ZNF440: variants seen among roughly 807,000 people sequenced by gnomAD.
ZNF440 encodes the protein zinc finger protein 440.
In ZNF440, 47 loss-of-function variants were observed where a neutral mutation model predicts 49.7. That is an observed-to-expected ratio of 0.95 (90% confidence interval 0.75 to 1.21). ZNF440 has a LOEUF of 1.21. Among genes scored for constraint, ZNF440 ranks in the 50% most tolerant of loss-of-function variants. The pLI, the probability that ZNF440 is intolerant of heterozygous loss-of-function variation, is 0.00. For missense variants in ZNF440, 703 were observed against 715.0 expected (o/e 0.98, Z 0.19); for synonymous variants, 255 against 237.7 (o/e 1.07, Z -0.67).
At chr19:11,814,754 A>G (rs566428555) in intron 1 of ZNF440, among the ~76,000 whole-genome samples, 57 of 152,344 alleles carry the variant, frequency 3.7e-4, no homozygotes, top group African/African-American at 1.4e-3. Flanking sequence ...GTTAGAAACA[A>G]GTGCCCGGTG....
chr19:11,816,510 G>A (rs1010150409), intron 1 of ZNF440: 5 of 152,166 alleles, frequency 3.3e-5, no homozygotes, highest in African/African-American at 1.2e-4. Context: ...AACTCCTAAA[G>A]GGAGAGGGTA....
At chr19:11,821,756 T>A (rs2145120498) in intron 1 of ZNF440, among the ~76,000 whole-genome samples, 1 of 152,352 alleles carries the variant, frequency 6.6e-6, no homozygotes, top group South Asian at 2.1e-4. Context: ...TGTAAAGAAT[T>A]GTTCATAGAT....
intron 1 of ZNF440, among the ~76,000 whole-genome samples, chr19:11,828,377 G>T (rs1449740102): frequency 6.6e-6 from 1 of 151,554 alleles, no homozygotes; most frequent in East Asian, 2.0e-4. Context: ...TAGAGATGGA[G>T]TTCCACCACG....
chr19:11,814,600 C>T (rs1338668624), intron 1 of ZNF440, 150 bp downstream of exon 1: 1 of 925,522 alleles, frequency 1.1e-6, no homozygotes, highest in East Asian at 3.3e-5. Context: ...GGCCGGCAGC[C>T]GGGACCCCGG....
At chr19:11,818,308 G>A (rs893274245) in intron 1 of ZNF440, among the ~76,000 whole-genome samples, 4 of 152,132 alleles carry the variant, frequency 2.6e-5, no homozygotes, top group Non-Finnish European at 4.4e-5. Context: ...TTGTGGGAGT[G>A]TAAGGATACT....
intron 1 of ZNF440, among the ~76,000 whole-genome samples, chr19:11,822,845 TAAA>T (rs547706900): frequency 2.6e-5 from 3 of 117,526 alleles, no homozygotes; most frequent in East Asian, 2.3e-4. Context: ...GAAACTCCGT[TAAA>T]AAAAAAAAAA....
intron 1 of ZNF440, among the ~76,000 whole-genome samples, chr19:11,818,711 T>C (rs1213914180): frequency 6.6e-6 from 1 of 152,064 alleles, no homozygotes; most frequent in Non-Finnish European, 1.5e-5. Context: ...TGGCTAATTT[T>C]TTATTTTTTA....
At chr19:11,819,215 C>T (rs1470824196) in intron 1 of ZNF440, among the ~76,000 whole-genome samples, 2 of 151,930 alleles carry the variant, frequency 1.3e-5, no homozygotes, top group Non-Finnish European at 2.9e-5. Context: ...CCTGTTTTCC[C>T]TCAGTCATTT....
At chr19:11,816,734 G>T (rs572121357) in intron 1 of ZNF440, 1 of 152,326 alleles carries the variant, frequency 6.6e-6, no homozygotes, top group Non-Finnish European at 1.5e-5. Context: ...GGGTTCAAGC[G>T]ATTCTCCTGC....
intron 1 of ZNF440, among the ~76,000 whole-genome samples, chr19:11,818,880 G>A (rs530610863): frequency 3.4e-4 from 51 of 152,226 alleles, no homozygotes; most frequent in African/African-American, 1.2e-3. Flanking sequence ...CCCAGAGCTT[G>A]TTTTCTTTAA....
intron 1 of ZNF440, among the ~76,000 whole-genome samples, chr19:11,823,477 A>G (rs1247604799): frequency 5.9e-5 from 9 of 152,176 alleles, no homozygotes; most frequent in African/African-American, 1.9e-4. Context: ...TGTAAATTTC[A>G]TGGACTAAAA....
rs370496408 is a variant in ZNF440, at chr19:11,832,389, T to C, written c.1213T>C (p.Phe405Leu). Residue 405 changes from phenylalanine to leucine, a missense_variant, in exon 4 of 4, where the codon TTC becomes CTC. By Grantham distance (22) the Phe-to-Leu change is conservative (BLOSUM62 0). Transcript: ENST00000304060. ...TGAGTGTAAGCAATGTGGGAAAGCC[T>C]TCAGATCTGCCTCACACCTTCGAGT... is the stretch of plus-strand genomic sequence containing the variant. Reference protein sequence around the residue: ...PYECKQCGKAFRSASHLRVHG... With the variant: ...PYECKQCGKALRSASHLRVHG... 4.6e-5 allele frequency: 75 copies of C among 1,613,128 alleles called. No homozygotes were observed. In the African/African-American group the frequency reaches 9.4e-4, roughly 20 times the overall value.
In ZNF440 at chr19:11,835,006, G is replaced by T. The variant is rs1212356614; in HGVS notation, c.*2042G>T. The T allele has an allele frequency of 6.6e-6, 1 of 151,778 alleles. No homozygotes were observed. Among genetic ancestry groups the T allele is most frequent in the Non-Finnish European group, 1.5e-5 (1 of 68,090 alleles). The allele number at this position is 151,778 out of a possible 1,614,324, so 9.4% of individuals were successfully genotyped here. ...GAAGCAGAGGTTGCAGTGAGCCGAG[G>T]TTGCACCATTGTACTCCAGCCTGGG... On this transcript the variant is annotated 3_prime_UTR_variant, in exon 4 of 4. Transcript: ENST00000304060.
chr19:11,825,345 G>T (rs1975850882), intron 1 of ZNF440, among the ~76,000 whole-genome samples: 1 of 152,108 alleles, frequency 6.6e-6, no homozygotes, highest in Non-Finnish European at 1.5e-5. Context: ...TTCACTCTTT[G>T]TGTTCTGTGG....
chr19:11,818,479 C>T (rs1001510221), intron 1 of ZNF440, among the ~76,000 whole-genome samples: 5 of 151,926 alleles, frequency 3.3e-5, no homozygotes, highest in Admixed American at 2.0e-4. Flanking sequence ...CTTATATAGG[C>T]GAAAGGCAAA....
At chr19:11,823,356 AC>A (rs1044029615) in intron 1 of ZNF440, among the ~76,000 whole-genome samples, 7 of 151,516 alleles carry the variant, frequency 4.6e-5, no homozygotes, top group Admixed American at 2.0e-4. Flanking sequence ...ATGCCGTAAC[AC>A]CCCCCCAACC....
rs766413832 is a variant in ZNF440, at chr19:11,832,167, G to T, written c.991G>T (p.Val331Leu). Residue 331 changes from valine (V) to leucine (L), a missense_variant, in exon 4 of 4, where the codon GTA becomes TTA. Val to Leu is a conservative substitution (Grantham distance 32, BLOSUM62 1). Coordinates refer to ENST00000304060, the MANE Select transcript of ZNF440 (RefSeq NM_152357.3). ...LSSLTSFQTH[V>L]RLHSGERPYE... ...CTCTCTTACAAGTTTTCAAACACAC[G>T]TAAGATTGCACTCTGGAGAAAGACC... 6.2e-7 allele frequency: 1 copy of T among 1,614,194 alleles called. No individual in the cohort carries two copies. Among genetic ancestry groups the T allele is most frequent in the South Asian group, 1.1e-5 (1 of 91,088 alleles).
chr19:11,830,335 C>G lies in ZNF440; in HGVS notation c.56C>G (p.Ala19Gly), dbSNP rs766672170. ...VAVNFTQEEW[A>G]LLDISQRKLY... ...GTGAACTTCACCCAGGAGGAGTGGGCTTTGCTGGATATTTCCCAGAGGAAA... is the reference window on the plus strand; with the variant it reads ...GTGAACTTCACCCAGGAGGAGTGGGGTTTGCTGGATATTTCCCAGAGGAAA... Residue 19 changes from alanine to glycine, a missense_variant, in exon 2 of 4, where the codon GCT becomes GGT. Transcript: ENST00000304060. 1.2e-6 allele frequency: 2 copies of G among 1,614,152 alleles called. No individual in the cohort carries two copies. Among genetic ancestry groups the G allele is most frequent in the Non-Finnish European group, 1.7e-6 (2 of 1,180,038 alleles).
chr19:11,833,255 A>ATG lies in ZNF440; in HGVS notation c.*291_*292insTG. ...GAAACCCTGTGAATGTAAGAAATGTAGAAAAGCATTCCATAATTTCTCTTC... is the reference window on the plus strand; with the variant it reads ...GAAACCCTGTGAATGTAAGAAATGTATGGAAAAGCATTCCATAATTTCTCTTC... On this transcript the variant is annotated 3_prime_UTR_variant, in exon 4 of 4. Transcript: ENST00000304060. The ATG allele has an allele frequency of 3.9e-6, 3 of 777,260 alleles. No homozygotes were observed. Among genetic ancestry groups the ATG allele is most frequent in the African/African-American group, 1.8e-5 (1 of 56,580 alleles). 48.1% of individuals were successfully genotyped at this position (777,260 alleles called of 1,614,324 possible).
Sources: gnomAD v4.1 joint callset for allele counts (sites outside exome capture counted in the v4.1 genomes callset) on GRCh38, gnomAD v4.1.1 for gene constraint, MANE v1.5 for transcripts, NCBI Gene and HGNC (gene_info 2026-07-23, HGNC 2026-07-21) for gene names.